The following EGFR variants were observed in gnomAD, a reference collection of about 807,000 sequenced individuals.
EGFR encodes avian erythroblastic leukemia viral (v-erb-b) oncogene homolog.
Under a neutral mutation model 143.0 loss-of-function variants are expected in EGFR, and 58 were observed. The ratio of observed to expected loss-of-function variants is 0.41; its 90% confidence interval spans 0.33 to 0.50. The LOEUF (loss-of-function observed/expected upper bound fraction) is 0.50. Among genes scored for constraint, EGFR ranks in the 20% least tolerant of loss-of-function variants. The pLI is 0.39. For synonymous variants in EGFR, 613 were observed against 594.4 expected (o/e 1.03, Z -0.45); for missense variants, 1,307 against 1,579.0 (o/e 0.83, Z 2.92).
intron 1 of EGFR, among the ~76,000 whole-genome samples, chr7:55,091,714 T>C (rs927785214): frequency 6.6e-6 from 1 of 152,258 alleles, no homozygotes; most frequent in Admixed American, 6.5e-5. Context: ...ACTTAAACAA[T>C]GGCAGGCTTG....
At chr7:55,201,686 G>A (rs778565139) in intron 25 of EGFR, 49 bp from the exon 26 acceptor site, 7 of 1,609,478 alleles carry the variant, frequency 4.3e-6, no homozygotes, top group Non-Finnish European at 5.1e-6. Flanking sequence ...AAAAGTGGAT[G>A]AGATGTGGTA....
chr7:55,061,280 C>A (rs1755147840), intron 1 of EGFR, among the ~76,000 whole-genome samples: 1 of 152,170 alleles, frequency 6.6e-6, no homozygotes, highest in South Asian at 2.1e-4. Flanking sequence ...CCCGGGAAGG[C>A]TCCAGGCCTT....
chr7:55,204,508 CACAA>C (rs1438937760), intron 27 of EGFR, among the ~76,000 whole-genome samples: 1 of 142,616 alleles, frequency 7.0e-6, no homozygotes, highest in African/African-American at 2.6e-5. Context: ...CCCACACACA[CACAA>C]ACATATACAC....
chr7:55,085,899 C>T (rs909187873), intron 1 of EGFR, among the ~76,000 whole-genome samples: 7 of 152,184 alleles, frequency 4.6e-5, no homozygotes, highest in Admixed American at 6.5e-5. Flanking sequence ...GATGTGCCTC[C>T]GTGTTTTGTC....
In EGFR at chr7:55,173,076, C is replaced by T. The variant is rs773398218; in HGVS notation, c.2013C>T (p.Arg671=). Residue 671 remains arginine (R), a synonymous_variant, in exon 17 of 28, where the codon CGC becomes CGT. Coordinates refer to ENST00000275493, the MANE Select transcript of EGFR (RefSeq NM_005228.5). The part of the protein sequence containing the change: ...ALGIGLFMRR[R]HIVRKRTLRR... ...GGATCGGCCTCTTCATGCGAAGGCG[C>T]CACATCGTTCGGAAGCGCACGCTGC... The T allele has an allele frequency of 5.0e-6, 8 of 1,613,276 alleles. No individual in the cohort carries two copies. The highest frequency in any genetic ancestry group is 1.1e-5 in the South Asian group (1 of 91,078).
intron 1 of EGFR, among the ~76,000 whole-genome samples, chr7:55,028,155 G>A (rs2128860989): frequency 6.6e-6 from 1 of 151,808 alleles, no homozygotes; most frequent in South Asian, 2.1e-4. Flanking sequence ...ATGCTTGCAG[G>A]CCAGTGCACA....
At chr7:55,082,899 T>C (rs1303589991) in intron 1 of EGFR, among the ~76,000 whole-genome samples, 1 of 152,196 alleles carries the variant, frequency 6.6e-6, no homozygotes, top group Non-Finnish European at 1.5e-5. Context: ...CAGCCTCTGG[T>C]GTTCCCAGCA....
chr7:55,157,186 G>A (rs1166570099), intron 10 of EGFR, among the ~76,000 whole-genome samples: 2 of 152,238 alleles, frequency 1.3e-5, no homozygotes, highest in Non-Finnish European at 2.9e-5. Context: ...AGCCTTGTGG[G>A]GCCACGGGCA....
At chr7:55,082,284 C>T (rs1790506521) in intron 1 of EGFR, among the ~76,000 whole-genome samples, 1 of 152,220 alleles carries the variant, frequency 6.6e-6, no homozygotes, top group Non-Finnish European at 1.5e-5. Flanking sequence ...ACACCTCCTA[C>T]TTGTAAAGGA....
intron 20 of EGFR, among the ~76,000 whole-genome samples, chr7:55,184,364 C>T (rs1787036407): frequency 6.6e-6 from 1 of 152,204 alleles, no homozygotes; most frequent in Non-Finnish European, 1.5e-5. Flanking sequence ...CATCACATGC[C>T]CGCCATTGTT....
At chr7:55,135,759 T>C (rs1167658940) in intron 1 of EGFR, among the ~76,000 whole-genome samples, 1 of 152,248 alleles carries the variant, frequency 6.6e-6, no homozygotes, top group Non-Finnish European at 1.5e-5. Context: ...TCTAGTTCTA[T>C]AGTCACAATT....
intron 1 of EGFR, among the ~76,000 whole-genome samples, chr7:55,089,439 A>C (rs770302176): frequency 6.6e-6 from 1 of 152,210 alleles, no homozygotes; most frequent in African/African-American, 2.4e-5. Context: ...GTTTTAATAT[A>C]TATCCAGAAC....
chr7:55,149,046 A>G (rs1321120950), intron 4 of EGFR, among the ~76,000 whole-genome samples: 2 of 152,134 alleles, frequency 1.3e-5, no homozygotes, highest in Non-Finnish European at 2.9e-5. Flanking sequence ...AATTCCAAAT[A>G]CATATTAAAT....
Position 55,202,451 on chromosome 7 carries a change from A to T in EGFR, c.3163-66A>T, listed in dbSNP as rs111393768. The T allele has an allele frequency of 2.3e-5, 32 of 1,381,988 alleles. No individual in the cohort carries two copies. In the African/African-American group the frequency reaches 2.9e-4, roughly 12 times the overall value. 85.6% of individuals were successfully genotyped at this position (1,381,988 alleles called of 1,614,324 possible). A position where few individuals can be genotyped will look rare whatever the true frequency, so the allele number is the denominator to read the frequency against. On this transcript the variant is annotated intron_variant, in intron 26 of 27. Transcript: ENST00000275493. The stretch of plus-strand genomic sequence containing the variant: ...CAGCATCTCAAGGAGATCTCGGGTG[A>T]TTTTTGCAAACACTGAAGTTGGGGC...
Position 55,205,592 on chromosome 7 carries a change from A to C in EGFR, c.3608A>C (p.Gln1203Pro). 1 of 1,614,198 alleles carries C rather than the reference A, an allele frequency of 6.2e-7. No individual in the cohort carries two copies. The highest frequency in any genetic ancestry group is 1.7e-5 in the Admixed American group (1 of 60,018). Reference protein sequence around the residue: ...ENAEYLRVAPQSSEFIGA With the variant: ...ENAEYLRVAPPSSEFIGA Reference sequence around the variant, plus strand: ...GCAGAATACCTAAGGGTCGCGCCACAAAGCAGTGAATTTATTGGAGCATGA... The same window carrying C: ...GCAGAATACCTAAGGGTCGCGCCACCAAGCAGTGAATTTATTGGAGCATGA... Residue 1203 changes from glutamine (Q) to proline (P), a missense_variant, in exon 28 of 28, where the codon CAA becomes CCA. Transcript: ENST00000275493.
chr7:55,148,254 G>A (rs1349936646), intron 4 of EGFR, among the ~76,000 whole-genome samples: 1 of 152,140 alleles, frequency 6.6e-6, no homozygotes, highest in Non-Finnish European at 1.5e-5. Context: ...ACAATGGGGA[G>A]GTTAAACTGT....
chr7:55,192,257 G>A (rs1026357847), intron 21 of EGFR, among the ~76,000 whole-genome samples: 6 of 152,144 alleles, frequency 3.9e-5, no homozygotes, highest in Non-Finnish European at 7.4e-5. Flanking sequence ...ATGCGGACCC[G>A]AGCTCCCAGG....
chr7:55,177,961 G>T (rs1360236432), intron 19 of EGFR, among the ~76,000 whole-genome samples: 2 of 152,364 alleles, frequency 1.3e-5, no homozygotes, highest in East Asian at 3.9e-4. Context: ...CATTGTGCCT[G>T]CTGGGTGGGG....
rs747668962 is a variant in EGFR, at chr7:55,171,228, C to A, written c.1919+15C>A. The stretch of plus-strand genomic sequence containing the variant: ...CCAACGAATGGGTAAGTGTTCACAG[C>A]TCTGTGTCACATGGACCTCGTCAAG... On this transcript the variant is annotated intron_variant, in intron 16 of 27. Coordinates refer to ENST00000275493, the MANE Select transcript of EGFR (RefSeq NM_005228.5). 6.2e-7 allele frequency: 1 copy of A among 1,614,190 alleles called. No individual in the cohort carries two copies.
Sources: allele counts gnomAD v4.1 joint callset (sites outside exome capture counted in the v4.1 genomes callset), GRCh38; gene constraint gnomAD v4.1.1; transcripts MANE v1.5; gene names NCBI Gene and HGNC (gene_info 2026-07-23, HGNC 2026-07-21).